Variants in MYRIP observed in about 807,000 individuals in gnomAD.
The protein encoded by MYRIP is myosin VIIA and Rab interacting protein, also known as rab effector MyRIP.
MYRIP carries 49 observed loss-of-function variants against 98.0 expected under a neutral mutation model. That is an observed-to-expected ratio of 0.50 (90% CI 0.40 to 0.63). The LOEUF is 0.63. MYRIP is among the 30% of genes least tolerant of loss of function. MYRIP has a pLI of 0.00. For synonymous variants in MYRIP, 404 were observed against 409.5 expected (o/e 0.99, Z 0.16); for missense variants, 1,004 against 1,058.2 (o/e 0.95, Z 0.71).
chr3:40,030,516 A>G (rs562152535), intron 2 of MYRIP, among the ~76,000 whole-genome samples: 7 of 152,300 alleles, frequency 4.6e-5, no homozygotes, highest in Middle Eastern at 6.8e-3. Context: ...TCCACACAAA[A>G]ACATGTACAT....
At chr3:40,023,263 T>C (rs1947039842) in intron 2 of MYRIP, among the ~76,000 whole-genome samples, 1 of 152,350 alleles carries the variant, frequency 6.6e-6, no homozygotes, top group Middle Eastern at 3.4e-3. Flanking sequence ...AATACGTGAC[T>C]TCAGCTCTCT....
chr3:40,157,244 T>G (rs1252148500), intron 4 of MYRIP, among the ~76,000 whole-genome samples: 2 of 148,020 alleles, frequency 1.4e-5, no homozygotes, highest in African/African-American at 2.5e-5. Context: ...CTGCATCTAT[T>G]GAGATAATCA....
At chr3:40,253,779 C>T (rs576408291) in intron 16 of MYRIP, among the ~76,000 whole-genome samples, 27 of 152,244 alleles carry the variant, frequency 1.8e-4, no homozygotes, top group South Asian at 6.2e-4. Flanking sequence ...GCAGTAGGGA[C>T]GGGGGTTCTA....
intron 3 of MYRIP, among the ~76,000 whole-genome samples, chr3:40,133,431 T>A (rs546960825): frequency 2.0e-5 from 3 of 152,238 alleles, no homozygotes; most frequent in Admixed American, 2.0e-4. Flanking sequence ...TCTTGATGGA[T>A]GCTTAACTTA....
At chr3:39,949,151 A>C (rs758235730) in intron 2 of MYRIP, among the ~76,000 whole-genome samples, 2 of 152,172 alleles carry the variant, frequency 1.3e-5, no homozygotes, top group African/African-American at 2.4e-5. Context: ...GGAGAAGCTT[A>C]TGAATTTGCT....
intron 1 of MYRIP, among the ~76,000 whole-genome samples, chr3:39,855,641 G>A (rs962734262): frequency 3.2e-4 from 49 of 152,188 alleles, no homozygotes; most frequent in African/African-American, 1.1e-3. Context: ...GTAGCAGGAG[G>A]CTTCACCCAG....
chr3:40,172,013 T>C (rs1950629065), intron 8 of MYRIP, among the ~76,000 whole-genome samples: 1 of 152,150 alleles, frequency 6.6e-6, no homozygotes, highest in Admixed American at 6.6e-5. Flanking sequence ...TCAGATCTCA[T>C]ATGGGAAAGA....
At chr3:39,874,138 T>G (rs1187476238) in intron 1 of MYRIP, among the ~76,000 whole-genome samples, 1 of 152,026 alleles carries the variant, frequency 6.6e-6, no homozygotes, top group African/African-American at 2.4e-5. Flanking sequence ...TGGCTCTCTG[T>G]TTGTCTGTTG....
intron 1 of MYRIP, among the ~76,000 whole-genome samples, chr3:39,829,872 A>G (rs1240600123): frequency 6.6e-6 from 1 of 152,112 alleles, no homozygotes; most frequent in African/African-American, 2.4e-5. Flanking sequence ...TGTGAATGCA[A>G]CTGTACGTAG....
In MYRIP at chr3:39,994,067, G is replaced by A. The variant is rs373294645; in HGVS notation, c.111-49983G>A. 1.4e-3 allele frequency among the ~76,000 whole-genome samples: 206 copies of A among 152,348 alleles called. 2 individuals carry two copies. The South Asian group carries it at 0.041, about 30-fold the overall frequency. ...AAAGAACTTTTAGAGGTGGAGCCAAGATGGCCAAATAGGAACAGCCCCAGT... is the reference window on the plus strand; with the variant it reads ...AAAGAACTTTTAGAGGTGGAGCCAAAATGGCCAAATAGGAACAGCCCCAGT... On this transcript the variant is annotated intron_variant, in intron 2 of 16. Coordinates refer to ENST00000302541, the MANE Select transcript of MYRIP (RefSeq NM_015460.4).
chr3:39,849,865 G>A (rs1268676222), intron 1 of MYRIP, among the ~76,000 whole-genome samples: 1 of 152,188 alleles, frequency 6.6e-6, no homozygotes, highest in Non-Finnish European at 1.5e-5. Flanking sequence ...TGACTGCCAA[G>A]AACAAAACAT....
At chr3:40,162,659 C>A in intron 4 of MYRIP, 71 bp from the exon 5 acceptor site, 1 of 1,344,840 alleles carries the variant, frequency 7.4e-7, no homozygotes, top group Non-Finnish European at 1.1e-6. Flanking sequence ...TTCAGTGACA[C>A]AGTGCATCAG....
At chr3:40,245,082 A>C (rs1267987002) in intron 13 of MYRIP, among the ~76,000 whole-genome samples, 1 of 152,246 alleles carries the variant, frequency 6.6e-6, no homozygotes, top group Non-Finnish European at 1.5e-5. Flanking sequence ...GATTTAGCAC[A>C]CAATAAAAAT....
intron 16 of MYRIP, among the ~76,000 whole-genome samples, chr3:40,256,366 A>G (rs1953587962): frequency 6.6e-6 from 1 of 152,208 alleles, no homozygotes; most frequent in Non-Finnish European, 1.5e-5. Flanking sequence ...CATATATCAA[A>G]GCAAATAGGA....
intron 3 of MYRIP, among the ~76,000 whole-genome samples, chr3:40,137,084 T>C (rs1252184057): frequency 6.6e-6 from 1 of 151,988 alleles, no homozygotes; most frequent in East Asian, 1.9e-4. Flanking sequence ...AAAAAATCAA[T>C]GAATCCAGTA....
intron 16 of MYRIP, among the ~76,000 whole-genome samples, chr3:40,252,360 G>A (rs1383312654): frequency 2.6e-5 from 4 of 152,078 alleles, no homozygotes; most frequent in East Asian, 1.9e-4. Flanking sequence ...CAAAGCATCC[G>A]GCTTACACCC....
chr3:39,954,464 A>C (rs1337089124), intron 2 of MYRIP, among the ~76,000 whole-genome samples: 1 of 152,200 alleles, frequency 6.6e-6, no homozygotes, highest in East Asian at 1.9e-4. Context: ...CCTGACTGTT[A>C]GAAGGAAAAC....
At chr3:40,049,536 C>T (rs531951276) in intron 3 of MYRIP, among the ~76,000 whole-genome samples, 2 of 152,002 alleles carry the variant, frequency 1.3e-5, no homozygotes, top group African/African-American at 2.4e-5. Context: ...TGGTGGTTCT[C>T]GCATCTCTCT....
intron 2 of MYRIP, among the ~76,000 whole-genome samples, chr3:39,949,447 C>T (rs1944963755): frequency 6.6e-6 from 1 of 152,036 alleles, no homozygotes; most frequent in Non-Finnish European, 1.5e-5. Context: ...TCATCTGTAT[C>T]ATGGTAATAA....
Sources: gnomAD v4.1 joint callset for allele counts (sites outside exome capture counted in the v4.1 genomes callset) on GRCh38, gnomAD v4.1.1 for gene constraint, MANE v1.5 for transcripts, NCBI Gene and HGNC (gene_info 2026-07-23, HGNC 2026-07-21) for gene names.